The following CBFA2T3 variants were observed in gnomAD, a reference collection of about 807,000 sequenced individuals.
The protein encoded by CBFA2T3 is transcriptional corepressor CBFA2T3.
Under a neutral mutation model 58.6 loss-of-function variants are expected in CBFA2T3, and 31 were observed. The observed-to-expected ratio is 0.53, with a 90% CI of 0.40 to 0.71. CBFA2T3 has a LOEUF of 0.71. CBFA2T3 is among the 30% of genes least tolerant of loss of function. The pLI is 0.00. For synonymous variants in CBFA2T3, 531 were observed against 421.9 expected (o/e 1.26, Z -3.17); for missense variants, 1,076 against 963.1 (o/e 1.12, Z -1.55).
rs1969642222 is a variant in CBFA2T3 at position 88,891,815 on chromosome 16, G to A, written c.711+67C>T. On this transcript the variant is annotated intron_variant, in intron 5 of 11. Transcript: ENST00000268679. ...CGCCTGTCCACCGCTGTCCACGCTG[G>A]CAAGGAGTGGGATTAAGGGGCCTTC... is the stretch of plus-strand genomic sequence containing the variant. The A allele has an allele frequency of 1.5e-5, 17 of 1,116,282 alleles. No homozygotes were observed. In the East Asian group the frequency reaches 3.4e-4, roughly 22 times the overall value. The allele number at this position is 1,116,282 out of a possible 1,614,324, so 69.1% of individuals were successfully genotyped here. A position where few individuals can be genotyped will look rare whatever the true frequency, so the allele number is the denominator to read the frequency against.
chr16:88,962,732 A>G (rs1393684708), intron 1 of CBFA2T3, among the ~76,000 whole-genome samples: 1 of 152,224 alleles, frequency 6.6e-6, no homozygotes, highest in Non-Finnish European at 1.5e-5. Flanking sequence ...CCAGCCACGA[A>G]CATGGGTGTC....
intron 5 of CBFA2T3, among the ~76,000 whole-genome samples, chr16:88,889,367 G>A (rs1400974920): frequency 4.5e-5 from 6 of 133,844 alleles, no homozygotes; most frequent in Admixed American, 7.4e-5. Context: ...CTGGGGCAGC[G>A]GAGGGAGGGA....
In CBFA2T3 at chr16:88,953,886, C is replaced by T. The variant is rs1169339405; in HGVS notation, c.151+22771G>A. Among the ~76,000 whole-genome samples the T allele has an allele frequency of 6.6e-6, 1 of 152,112 alleles. No homozygotes were observed. The highest frequency in any genetic ancestry group is 1.5e-5 in the Non-Finnish European group (1 of 68,010). On this transcript the variant is annotated intron_variant, in intron 1 of 11. Coordinates refer to ENST00000268679, the MANE Select transcript of CBFA2T3 (RefSeq NM_005187.6). The surrounding 1 kb of genome is among the most constrained non-coding windows in gnomAD (Gnocchi z 4.9). The stretch of plus-strand genomic sequence containing the variant: ...CATGGGCCTTGTCACCTGCATTGGG[C>T]TGGTGAGGACAGGGACAGAGATGCC...
chr16:88,973,085 A>C (rs1972696541), intron 1 of CBFA2T3, among the ~76,000 whole-genome samples: 1 of 152,156 alleles, frequency 6.6e-6, no homozygotes, highest in Non-Finnish European at 1.5e-5. Context: ...CTGAAGGAGG[A>C]GTCGGGCTGA....
At chr16:88,935,846 G>A (rs896738576) in intron 1 of CBFA2T3, among the ~76,000 whole-genome samples, 2 of 152,226 alleles carry the variant, frequency 1.3e-5, no homozygotes, top group African/African-American at 4.8e-5. Flanking sequence ...ACAGCCCGAA[G>A]GGGTAAATGC....
chr16:88,886,445 G>A (rs905611796), intron 5 of CBFA2T3: 6 of 306,182 alleles, frequency 2.0e-5, no homozygotes, highest in Admixed American at 4.6e-5. Flanking sequence ...ACCGCACCCA[G>A]CTCCCTCCCA....
chr16:88,954,417 C>T (rs1972160819), intron 1 of CBFA2T3, among the ~76,000 whole-genome samples: 2 of 142,312 alleles, frequency 1.4e-5, no homozygotes, highest in African/African-American at 5.6e-5. Context: ...CTCCTGACCC[C>T]ACCCAAGGCT....
In CBFA2T3 at chr16:88,875,377, A is replaced by G; in HGVS notation, c.*1599T>C. 1 of 233,538 alleles carries G rather than the reference A, an allele frequency of 4.3e-6. No homozygotes were observed. The highest frequency in any genetic ancestry group is 8.5e-6 in the Non-Finnish European group (1 of 118,262). The allele number at this position is 233,538 out of a possible 1,614,324, so 14.5% of individuals were successfully genotyped here. A position where few individuals can be genotyped will look rare whatever the true frequency, so the allele number is the denominator to read the frequency against. On this transcript the variant is annotated 3_prime_UTR_variant, in exon 12 of 12. Transcript: ENST00000268679. ...GAGGATGGGAGGGAGCACGTCTGAT[A>G]GAAAACGTCACCGAGACACACCCCA...
At chr16:88,931,243 G>A (rs141638662) in intron 1 of CBFA2T3, among the ~76,000 whole-genome samples, 34 of 152,172 alleles carry the variant, frequency 2.2e-4, no homozygotes, top group African/African-American at 7.2e-4. Context: ...GGCAGGTAGC[G>A]GAGGCACTGC....
At chr16:88,956,019 A>G (rs1431707906) in intron 1 of CBFA2T3, among the ~76,000 whole-genome samples, 1 of 151,922 alleles carries the variant, frequency 6.6e-6, no homozygotes, top group East Asian at 1.9e-4. Context: ...ACCCCACCCA[A>G]GGATCCTGAC....
intron 1 of CBFA2T3, among the ~76,000 whole-genome samples, chr16:88,915,963 T>A (rs1476248342): frequency 5.3e-5 from 8 of 152,088 alleles, no homozygotes; most frequent in African/African-American, 1.9e-4. Flanking sequence ...TGTACGTGGG[T>A]GCATGGGTCT....
At chr16:88,974,003 C>T (rs1294795478) in intron 1 of CBFA2T3, among the ~76,000 whole-genome samples, 1 of 152,222 alleles carries the variant, frequency 6.6e-6, no homozygotes, top group African/African-American at 2.4e-5. Flanking sequence ...CACGTCGTCC[C>T]TCTAAGGTGA....
Position 88,898,126 on chromosome 16 carries a change from G to T in CBFA2T3, c.331C>A (p.Pro111Thr). 2 of 1,612,956 alleles carry T rather than the reference G, an allele frequency of 1.2e-6. No individual in the cohort carries two copies. Among genetic ancestry groups the T allele is most frequent in the Non-Finnish European group, 1.7e-6 (2 of 1,179,598 alleles). Reference sequence around the variant, plus strand: ...AAGCAGCCATGAAAACGGCCGTGGGGCAGCGTCGCAGGCCCGTCCTCTCGA... The same window carrying T: ...AAGCAGCCATGAAAACGGCCGTGGGTCAGCGTCGCAGGCCCGTCCTCTCGA... Reference protein sequence around the residue: ...THREDGPATLPHGRFHGCLKW... With the variant: ...THREDGPATLTHGRFHGCLKW... Residue 111 changes from proline to threonine, a missense_variant, in exon 3 of 12, where the codon CCC (proline) becomes ACC (threonine). By Grantham distance (38) the Pro-to-Thr change is conservative. Coordinates refer to ENST00000268679, the MANE Select transcript of CBFA2T3 (RefSeq NM_005187.6).
At position 88,881,389 on chromosome 16, in the gene CBFA2T3, G is replaced by A. The variant is rs755685805; in HGVS notation, c.1304C>T (p.Ala435Val). The A allele has an allele frequency of 6.9e-6, 11 of 1,600,676 alleles. No individual in the cohort carries two copies. Among genetic ancestry groups the A allele is most frequent in the South Asian group, 1.1e-5 (1 of 89,922 alleles). Residue 435 changes from alanine to valine, a missense_variant, in exon 9 of 12, where the codon GCG becomes GTG. Transcript: ENST00000268679. ...EADREELNHW[A>V]RRYSDAEDTK... is the part of the protein sequence containing the mutation. ...GTCCTCGGCGTCGCTGTAGCGCCGC[G>A]CCCAGTGGTTGAGCTCCTCGCGGTC...
intron 1 of CBFA2T3, among the ~76,000 whole-genome samples, chr16:88,957,285 A>AAG (rs1203400393): frequency 1.3e-5 from 2 of 152,220 alleles, no homozygotes; most frequent in Non-Finnish European, 2.9e-5. Flanking sequence ...TCCTGGTCAG[A>AAG]AGTGCTGCCT....
intron 10 of CBFA2T3, 194 bp from the exon 11 acceptor site, chr16:88,879,654 A>G: frequency 1.8e-6 from 1 of 565,988 alleles, no homozygotes; most frequent in Non-Finnish European, 3.2e-6. Context: ...ACACACAGAC[A>G]CACGTTGATG....
At chr16:88,897,798 A>G (rs1307954553) in intron 3 of CBFA2T3, among the ~76,000 whole-genome samples, 1 of 152,168 alleles carries the variant, frequency 6.6e-6, no homozygotes, top group Admixed American at 6.5e-5. Flanking sequence ...CCCATTGGCC[A>G]TGTTTTGCTG....
chr16:88,965,111 C>T (rs867097097), intron 1 of CBFA2T3, among the ~76,000 whole-genome samples: 2 of 151,322 alleles, frequency 1.3e-5, no homozygotes, highest in African/African-American at 2.4e-5. Context: ...ATCCATCCAT[C>T]CATCCATCCA....
chr16:88,888,871 T>C (rs1013529219), intron 5 of CBFA2T3, among the ~76,000 whole-genome samples: 1 of 151,738 alleles, frequency 6.6e-6, no homozygotes, highest in Non-Finnish European at 1.5e-5. Flanking sequence ...GGATCCCCTG[T>C]GTACCAAGGG....
Sources: gnomAD v4.1 joint callset for allele counts (sites outside exome capture counted in the v4.1 genomes callset) on GRCh38, gnomAD v4.1.1 for gene constraint, Gnocchi (gnomAD v3.1) non-coding constraint, MANE v1.5 for transcripts, NCBI Gene and HGNC (gene_info 2026-07-23, HGNC 2026-07-21) for gene names.